The following PAPPA2 variants were observed in gnomAD, a reference collection of about 807,000 sequenced individuals.
PAPPA2 encodes the protein pappalysin 2.
PAPPA2 carries 86 observed loss-of-function variants against 176.4 expected under a neutral mutation model. The ratio of observed to expected loss-of-function variants is 0.49; its 90% CI spans 0.41 to 0.58. The LOEUF (loss-of-function observed/expected upper bound fraction) is 0.58. Among genes scored for constraint, PAPPA2 ranks in the 20% least tolerant of loss-of-function variants. The pLI is 0.00. For missense variants in PAPPA2, 2,073 were observed against 2,256.9 expected, an observed-to-expected ratio of 0.92 and a Z score of 1.65; for synonymous variants, 809 against 852.2, an observed-to-expected ratio of 0.95 and a Z score of 0.88.
chr1:176,668,345 A>G (rs184165783), intron 3 of PAPPA2, among the ~76,000 whole-genome samples: 124 of 152,284 alleles, frequency 8.1e-4, no homozygotes, highest in Middle Eastern at 3.4e-3. Flanking sequence ...ATCCCCTTTT[A>G]ATACAAAGTT....
chr1:176,770,217 G>T (rs947014326), intron 16 of PAPPA2, among the ~76,000 whole-genome samples: 3 of 152,158 alleles, frequency 2.0e-5, no homozygotes, highest in African/African-American at 7.2e-5. Flanking sequence ...TCTAGCTGAT[G>T]GCTTCTCAGA....
rs547175119 is a variant in PAPPA2, at chr1:176,561,750, A to G, written c.919+4509A>G. On this transcript the variant is annotated intron_variant, in intron 2 of 22. Transcript: ENST00000367662. ...AAAAATGAACATGTTCACATAGTTC[A>G]CACAACGTTCAGAGCTGTATTAGTC... Among the ~76,000 whole-genome samples the G allele has an allele frequency of 5.1e-4, 77 of 152,344 alleles. 1 individual carries two copies. In the Middle Eastern group the frequency reaches 0.01, roughly 20 times the overall value.
intron 3 of PAPPA2, among the ~76,000 whole-genome samples, chr1:176,610,476 G>A (rs184215600): frequency 2.0e-5 from 3 of 152,158 alleles, no homozygotes; most frequent in African/African-American, 7.2e-5. Flanking sequence ...GTGGCTGTAA[G>A]CTTCATGTGA....
intron 1 of PAPPA2, among the ~76,000 whole-genome samples, chr1:176,532,265 C>A (rs764408075): frequency 6.6e-6 from 1 of 152,152 alleles, no homozygotes. Context: ...GCTTTTATGC[C>A]TCTGAGCCAG....
At chr1:176,668,927 A>G (rs529811510) in intron 3 of PAPPA2, among the ~76,000 whole-genome samples, 1 of 152,242 alleles carries the variant, frequency 6.6e-6, no homozygotes, top group South Asian at 2.1e-4. Context: ...AAGGAAGAAA[A>G]GGGAGATGAG....
At chr1:176,767,639 C>G (rs901743860) in intron 15 of PAPPA2, among the ~76,000 whole-genome samples, 2 of 152,160 alleles carry the variant, frequency 1.3e-5, no homozygotes, top group African/African-American at 4.8e-5. Flanking sequence ...AGCCACTGCC[C>G]CCAGCCTTGA....
chr1:176,588,991 C>T (rs557592854), intron 2 of PAPPA2, among the ~76,000 whole-genome samples: 2 of 152,312 alleles, frequency 1.3e-5, no homozygotes, highest in African/African-American at 4.8e-5. Context: ...TAGAGTCGCA[C>T]ATAGTAGACA....
At chr1:176,664,770 C>A (rs1203597535) in intron 3 of PAPPA2, among the ~76,000 whole-genome samples, 1 of 152,172 alleles carries the variant, frequency 6.6e-6, no homozygotes, top group Non-Finnish European at 1.5e-5. Flanking sequence ...ATATTCATTT[C>A]CACATGAATT....
intron 1 of PAPPA2, among the ~76,000 whole-genome samples, chr1:176,550,581 A>G (rs1373267668): frequency 6.6e-6 from 1 of 152,168 alleles, no homozygotes; most frequent in Non-Finnish European, 1.5e-5. Context: ...TATTGCTTTC[A>G]CCATACTGCT....
intron 21 of PAPPA2, among the ~76,000 whole-genome samples, chr1:176,823,423 A>G (rs1490012551): frequency 2.0e-5 from 3 of 152,234 alleles, no homozygotes; most frequent in African/African-American, 4.8e-5. Flanking sequence ...TGGTATGCCA[A>G]TCTAAGCAAT....
At chr1:176,594,473 C>T (rs1161639733) in intron 2 of PAPPA2, 51 bp from the exon 3 acceptor site, 2 of 1,457,294 alleles carry the variant, frequency 1.4e-6, no homozygotes, top group South Asian at 1.3e-5. Flanking sequence ...TTCTCCATTC[C>T]CCTTTGTATC....
At chr1:176,630,590 T>C (rs1656282716) in intron 3 of PAPPA2, among the ~76,000 whole-genome samples, 3 of 152,112 alleles carry the variant, frequency 2.0e-5, no homozygotes, top group Admixed American at 1.3e-4. Flanking sequence ...GAGGTTATTT[T>C]AGTAATTCCC....
chr1:176,721,660 C>T (rs1661624217), intron 12 of PAPPA2, among the ~76,000 whole-genome samples: 1 of 152,084 alleles, frequency 6.6e-6, no homozygotes, highest in South Asian at 2.1e-4. Flanking sequence ...TCTTTGAAGG[C>T]CATGTCTTTT....
At chr1:176,702,485 G>T in intron 8 of PAPPA2, 122 bp from the exon 9 acceptor site, 1 of 1,373,716 alleles carries the variant, frequency 7.3e-7, no homozygotes, top group East Asian at 2.5e-5. Flanking sequence ...ACAATGCAGC[G>T]TATGTTTAAC....
At chr1:176,524,835 A>G (rs1006598125) in intron 1 of PAPPA2, among the ~76,000 whole-genome samples, 19 of 152,284 alleles carry the variant, frequency 1.2e-4, no homozygotes, top group African/African-American at 4.6e-4. Flanking sequence ...CATCCTGGCT[A>G]ACACGATGAA....
At chr1:176,784,340 T>C (rs1050601672) in intron 17 of PAPPA2, among the ~76,000 whole-genome samples, 1 of 152,190 alleles carries the variant, frequency 6.6e-6, no homozygotes, top group African/African-American at 2.4e-5. Flanking sequence ...AACCAGTTTT[T>C]TCATTAACGA....
At chr1:176,579,266 T>C (rs565819444) in intron 2 of PAPPA2, among the ~76,000 whole-genome samples, 78 of 152,200 alleles carry the variant, frequency 5.1e-4, no homozygotes, top group Admixed American at 2.6e-4. Context: ...ACATACCAAA[T>C]GGGGAACAGG....
intron 3 of PAPPA2, chr1:176,616,890 C>G: frequency 4.6e-6 from 2 of 432,854 alleles, no homozygotes. Flanking sequence ...ATATACTCCA[C>G]TTGAAATTCT....
rs1660525649 is a variant in PAPPA2, at chr1:176,699,190, G to T, written c.2837G>T (p.Cys946Phe). ...HLYHMNMTVP[C>F]PTEGCSLELL... ...TACCACATGAACATGACGGTCCCCT[G>T]CCCCACAGAAGGCTGTAGCTTGGAG... Residue 946 changes from cysteine to phenylalanine, a missense_variant, in exon 8 of 23, where the codon TGC becomes TTC. Coordinates refer to ENST00000367662, the MANE Select transcript of PAPPA2 (RefSeq NM_020318.3). The T allele has an allele frequency of 6.2e-7, 1 of 1,613,986 alleles. No homozygotes were observed. Among genetic ancestry groups the T allele is most frequent in the Admixed American group, 1.7e-5 (1 of 60,000 alleles).
Sources: allele counts gnomAD v4.1 joint callset (sites outside exome capture counted in the v4.1 genomes callset), GRCh38; gene constraint gnomAD v4.1.1; transcripts MANE v1.5; gene names NCBI Gene and HGNC (gene_info 2026-07-23, HGNC 2026-07-21).